NTN4: variants seen among roughly 807,000 people sequenced by gnomAD.
NTN4 encodes netrin 4, also known as netrin-4.
Under a neutral mutation model 73.6 loss-of-function variants are expected in NTN4, and 32 were observed. The ratio of observed to expected loss-of-function variants is 0.44; its 90% CI spans 0.33 to 0.58. NTN4 has a LOEUF of 0.58. Ranked by LOEUF, NTN4 falls within the 20% of genes least tolerant of loss-of-function variation. The probability of loss-of-function intolerance (pLI) is 0.04; values close to 1 mark genes in which losing one functional copy is unlikely to be tolerated. For missense variants in NTN4, 654 were observed against 798.3 expected, an observed-to-expected ratio of 0.82 and a Z score of 2.18; for synonymous variants, 258 against 287.5, an observed-to-expected ratio of 0.90 and a Z score of 1.04.
rs554884551 is a variant in NTN4, at chr12:95,751,493, C to T, written c.586-13349G>A. ...CCACTGGGCCAAGGAATGCCCGCAG[C>T]CCGGGATTCCTCCTAAGCCGCATCC... On this transcript the variant is annotated intron_variant, in intron 2 of 9. Transcript: ENST00000343702. 6.0e-5 allele frequency among the ~76,000 whole-genome samples: 9 copies of T among 151,150 alleles called. No individual in the cohort carries two copies. In the East Asian group the frequency reaches 1.7e-3, roughly 29 times the overall value.
At chr12:95,737,727 A>G (rs1368198955) in intron 3 of NTN4, 139 bp downstream of exon 3, 2 of 726,256 alleles carry the variant, frequency 2.8e-6, no homozygotes, top group Admixed American at 5.9e-5. Flanking sequence ...CAGGCACTTT[A>G]TAGGATGAGT....
At position 95,790,460 on chromosome 12, in the gene NTN4, C is replaced by T; in HGVS notation, c.-151G>A. Reference sequence around the variant, plus strand: ...GGCGCCGGGCTCGGTCAGCGGTCGCCGGCAGCTGGGAGCCAGGGGCCGGGA... The same window carrying T: ...GGCGCCGGGCTCGGTCAGCGGTCGCTGGCAGCTGGGAGCCAGGGGCCGGGA... On this transcript the variant is annotated 5_prime_UTR_variant, in exon 1 of 10. Coordinates refer to ENST00000343702, the MANE Select transcript of NTN4 (RefSeq NM_021229.4). The surrounding 1 kb of genome is among the most constrained non-coding windows in gnomAD (Gnocchi z 6.5). 1.6e-6 allele frequency: 1 copy of T among 615,382 alleles called. No homozygotes were observed. The highest frequency in any genetic ancestry group is 2.5e-6 in the Non-Finnish European group (1 of 393,110). 38.1% of individuals were successfully genotyped at this position (615,382 alleles called of 1,614,324 possible). A position where few individuals can be genotyped will look rare whatever the true frequency, so the allele number is the denominator to read the frequency against.
intron 9 of NTN4, among the ~76,000 whole-genome samples, chr12:95,665,477 C>T (rs1471270297): frequency 6.6e-6 from 1 of 152,118 alleles, no homozygotes; most frequent in Admixed American, 6.5e-5. Flanking sequence ...GTAATAGGAC[C>T]TAGCTTTCAG....
intron 8 of NTN4, among the ~76,000 whole-genome samples, chr12:95,668,645 A>G (rs574466095): frequency 3.3e-5 from 5 of 152,180 alleles, no homozygotes; most frequent in Non-Finnish European, 7.4e-5. Flanking sequence ...ATGACTTAAA[A>G]TTTTCTCCTC....
rs115650254 is a variant in NTN4, at chr12:95,685,921, C to T, written c.1181-2210G>A. On this transcript the variant is annotated intron_variant, in intron 5 of 9. Coordinates refer to ENST00000343702, the MANE Select transcript of NTN4 (RefSeq NM_021229.4). Reference sequence around the variant, plus strand: ...TTTTTTCTTTAGAGAAGGTTTCACTCTGTCACCCAGGCTGAAGTGCAATGG... The same window carrying T: ...TTTTTTCTTTAGAGAAGGTTTCACTTTGTCACCCAGGCTGAAGTGCAATGG... Among the ~76,000 whole-genome samples the T allele has an allele frequency of 1.2e-3, 188 of 152,056 alleles. 1 individual carries two copies. The highest frequency in any genetic ancestry group is 4.3e-3 in the African/African-American group (180 of 41,454).
At chr12:95,763,115 G>C (rs2078999898) in intron 2 of NTN4, among the ~76,000 whole-genome samples, 1 of 152,168 alleles carries the variant, frequency 6.6e-6, no homozygotes, top group South Asian at 2.1e-4. Flanking sequence ...TTGAGGAAAT[G>C]CTTTGTATGA....
At chr12:95,679,280 T>C (rs1402862762) in intron 7 of NTN4, among the ~76,000 whole-genome samples, 1 of 152,230 alleles carries the variant, frequency 6.6e-6, no homozygotes, top group Non-Finnish European at 1.5e-5. Context: ...GGACTCATTA[T>C]AAAACTGTAA....
At chr12:95,680,531 T>C (rs1165257125) in intron 7 of NTN4, among the ~76,000 whole-genome samples, 1 of 152,254 alleles carries the variant, frequency 6.6e-6, no homozygotes, top group Non-Finnish European at 1.5e-5. Context: ...CAAAGTCACA[T>C]ACAAGAGAAC....
intron 5 of NTN4, among the ~76,000 whole-genome samples, chr12:95,692,873 T>C (rs1450610678): frequency 6.6e-6 from 1 of 152,196 alleles, no homozygotes; most frequent in African/African-American, 2.4e-5. Flanking sequence ...TTACAAGACT[T>C]TGTGAAATTA....
chr12:95,714,334 A>C (rs1015216353), intron 3 of NTN4, among the ~76,000 whole-genome samples: 32 of 152,206 alleles, frequency 2.1e-4, no homozygotes, highest in African/African-American at 7.7e-4. Flanking sequence ...GTACAAAGGA[A>C]AGGTTTGCAA....
chr12:95,749,091 C>G (rs995365917), intron 2 of NTN4, among the ~76,000 whole-genome samples: 2 of 152,234 alleles, frequency 1.3e-5, no homozygotes, highest in Non-Finnish European at 2.9e-5. Context: ...ACCCCTACCC[C>G]TGCCCACCAG....
chr12:95,710,690 CAT>C, intron 4 of NTN4, 61 bp from the exon 5 acceptor site: 1 of 1,498,370 alleles, frequency 6.7e-7, no homozygotes, highest in East Asian at 2.3e-5. Flanking sequence ...TGGGTTATCT[CAT>C]ATTCAGATAG....
chr12:95,669,456 T>C (rs1024538667), intron 8 of NTN4, among the ~76,000 whole-genome samples: 3 of 152,068 alleles, frequency 2.0e-5, no homozygotes, highest in African/African-American at 7.2e-5. Context: ...AAGTAAGACA[T>C]CATCTCCCTC....
chr12:95,670,489 A>G (rs1395074349), intron 7 of NTN4: 1 of 171,682 alleles, frequency 5.8e-6, no homozygotes, highest in Non-Finnish European at 1.2e-5. Flanking sequence ...GTCTTTCTGC[A>G]GTTAATGTTC....
intron 5 of NTN4, among the ~76,000 whole-genome samples, chr12:95,693,735 GAAAAAAAA>G (rs11327868): frequency 8.5e-6 from 1 of 118,184 alleles, no homozygotes; most frequent in Non-Finnish European, 1.7e-5. Flanking sequence ...TGTCTCAATT[GAAAAAAAA>G]AAAAAAAAGA....
chr12:95,663,553 T>A (rs1427091939), intron 9 of NTN4: 2 of 152,260 alleles, frequency 1.3e-5, no homozygotes, highest in Non-Finnish European at 2.9e-5. Flanking sequence ...GGATTGTTTC[T>A]TTTCCAAAGT....
chr12:95,701,565 G>C (rs1410923036), intron 5 of NTN4, among the ~76,000 whole-genome samples: 1 of 152,158 alleles, frequency 6.6e-6, no homozygotes, highest in Non-Finnish European at 1.5e-5. Flanking sequence ...AGTAGACTCT[G>C]ATTAAGGTTG....
chr12:95,774,804 T>C lies in NTN4; in HGVS notation c.585+12135A>G, dbSNP rs530677336. On this transcript the variant is annotated intron_variant, in intron 2 of 9. Transcript: ENST00000343702. ...GGGGGATTAAGCATGCACTATCTCA[T>C]ATAATTTAATGAATCAGTCCATAAG... is the stretch of plus-strand genomic sequence containing the variant. 2.0e-5 allele frequency among the ~76,000 whole-genome samples: 3 copies of C among 152,354 alleles called. No homozygotes were observed. In the South Asian group the frequency reaches 6.2e-4, roughly 32 times the overall value.
chr12:95,749,304 T>C (rs918372218), intron 2 of NTN4, among the ~76,000 whole-genome samples: 3 of 152,330 alleles, frequency 2.0e-5, no homozygotes, highest in East Asian at 1.9e-4. Flanking sequence ...GTGACTCGAA[T>C]TGGGGGACCT....
Sources: allele counts gnomAD v4.1 joint callset (sites outside exome capture counted in the v4.1 genomes callset), GRCh38; gene constraint gnomAD v4.1.1; non-coding constraint Gnocchi (gnomAD v3.1); transcripts MANE v1.5; gene names NCBI Gene and HGNC (gene_info 2026-07-23, HGNC 2026-07-21).